Variants in ZNF827 observed in about 807,000 individuals in gnomAD.
ZNF827 encodes the protein zinc finger protein 827.
A neutral mutation model predicts 102.4 loss-of-function variants in ZNF827; 13 were observed. The observed-to-expected ratio is 0.13, with a 90% CI of 0.08 to 0.20. The LOEUF (loss-of-function observed/expected upper bound fraction) is 0.20, where lower values mean the gene tolerates loss of function less well. Among genes scored for constraint, ZNF827 ranks in the 10% least tolerant of loss-of-function variants. ZNF827 has a pLI of 1.00. For missense variants in ZNF827, 1,103 were observed against 1,344.4 expected (o/e 0.82, Z 2.81); for synonymous variants, 523 against 536.2 (o/e 0.98, Z 0.34).
Position 145,759,823 on chromosome 4 carries a change from A to C in ZNF827, c.*1793T>G, listed in dbSNP as rs761638925. On this transcript the variant is annotated 3_prime_UTR_variant, in exon 15 of 15. Transcript: ENST00000508784. ...CCTTTTAATCTCCTTGGCTGGATTT[A>C]TCAACCATAAATTTTTTCACCCATA... The C allele has an allele frequency of 3.3e-5, 5 of 152,062 alleles. No homozygotes were observed. Among genetic ancestry groups the C allele is most frequent in the Non-Finnish European group, 7.3e-5 (5 of 68,032 alleles). 9.4% of individuals were successfully genotyped at this position (152,062 alleles called of 1,614,324 possible). A position where few individuals can be genotyped will look rare whatever the true frequency, so the allele number is the denominator to read the frequency against.
In ZNF827 at chr4:145,851,283, TAGATAGATAGATAGAC is replaced by T. The variant is rs1163632599; in HGVS notation, c.1982-1738_1982-1723del. 5.9e-3 allele frequency among the ~76,000 whole-genome samples: 534 copies of T among 90,030 alleles called. 2 individuals are homozygous for T. The highest frequency in any genetic ancestry group is 9.2e-3 in the Non-Finnish European group (323 of 35,284). The allele number at this position is 90,030 out of a possible 152,430, so 59.1% of individuals were successfully genotyped here. On this transcript the variant is annotated intron_variant, in intron 5 of 14. Coordinates refer to ENST00000508784, the MANE Select transcript of ZNF827 (RefSeq NM_001306215.2). ...ACCTAGGAAACTTCAGATAGATAGA[TAGATAGATAGATAGAC>T]AGACAGACAGGCAGACAGACACACA...
intron 4 of ZNF827, among the ~76,000 whole-genome samples, chr4:145,877,828 C>T (rs1379930775): frequency 2.0e-5 from 3 of 152,204 alleles, no homozygotes; most frequent in Non-Finnish European, 4.4e-5. Flanking sequence ...GGATATCTCC[C>T]TCGTCAAAAG....
At chr4:145,838,218 T>C (rs953898723) in intron 7 of ZNF827, among the ~76,000 whole-genome samples, 6 of 152,284 alleles carry the variant, frequency 3.9e-5, no homozygotes, top group African/African-American at 1.4e-4. Flanking sequence ...TGGCTGGTCC[T>C]TGCCTTAACT....
intron 4 of ZNF827, among the ~76,000 whole-genome samples, chr4:145,885,188 A>G (rs1750004086): frequency 1.3e-5 from 2 of 152,188 alleles, no homozygotes; most frequent in Admixed American, 1.3e-4. Context: ...TCATTTGCTC[A>G]AATTTTAGAA....
At chr4:145,815,277 C>A (rs1178996459) in intron 8 of ZNF827, among the ~76,000 whole-genome samples, 1 of 152,172 alleles carries the variant, frequency 6.6e-6, no homozygotes, top group South Asian at 2.1e-4. Context: ...CATGCGAATG[C>A]AAACACTGGC....
Position 145,836,674 on chromosome 4 carries a change from C to G in ZNF827, c.2279+9282G>C, listed in dbSNP as rs1744874613. ...CTCTCTGATCCACCTGACATTCACC[C>G]CATTTCCCCAAATTTCCTTCTTTCC... On this transcript the variant is annotated intron_variant, in intron 7 of 14. Coordinates refer to ENST00000508784, the MANE Select transcript of ZNF827 (RefSeq NM_001306215.2). Among the ~76,000 whole-genome samples the G allele has an allele frequency of 2.6e-5, 4 of 151,964 alleles. No homozygotes were observed. The South Asian group carries it at 8.4e-4, about 32-fold the overall frequency.
At chr4:145,847,318 A>G (rs1386281230) in intron 6 of ZNF827, among the ~76,000 whole-genome samples, 4 of 152,194 alleles carry the variant, frequency 2.6e-5, no homozygotes, top group Non-Finnish European at 5.9e-5. Context: ...AGTTATTTCC[A>G]CTGTATCTTT....
chr4:145,928,109 G>A (rs1753562298), intron 1 of ZNF827, among the ~76,000 whole-genome samples: 1 of 152,102 alleles, frequency 6.6e-6, no homozygotes, highest in Admixed American at 6.5e-5. Context: ...GCTAATTTTA[G>A]GGTTTTAAGA....
At position 145,789,507 on chromosome 4, in the gene ZNF827, T is replaced by A. The variant is rs60654633; in HGVS notation, c.2384-9996A>T. On this transcript the variant is annotated intron_variant, in intron 8 of 14. Coordinates refer to ENST00000508784, the MANE Select transcript of ZNF827 (RefSeq NM_001306215.2). Reference sequence around the variant, plus strand: ...CACACATATTTAATATTTAACCTTATAGCAGCACTATGTATTAGACACTAT... The same window carrying A: ...CACACATATTTAATATTTAACCTTAAAGCAGCACTATGTATTAGACACTAT... Among the ~76,000 whole-genome samples the A allele has an allele frequency of 9.2e-5, 14 of 152,320 alleles. No individual in the cohort carries two copies. The East Asian group carries it at 2.7e-3, about 29-fold the overall frequency.
Position 145,762,989 on chromosome 4 carries a change from G to T in ZNF827, c.*17+101C>A. ...CTCCTCAGCGCCAAGCTCGCCGTTA[G>T]CCTTTGAACCTCAGCTCACAGAAGA... On this transcript the variant is annotated intron_variant, in intron 14 of 14. Transcript: ENST00000508784. This position sits in a 1 kb window ranked among gnomAD's most constrained non-coding sequence, Gnocchi z 4.9. 2.5e-6 allele frequency: 3 copies of T among 1,195,164 alleles called. No homozygotes were observed. The highest frequency in any genetic ancestry group is 3.5e-6 in the Non-Finnish European group (3 of 858,088). The allele number at this position is 1,195,164 out of a possible 1,614,324, so 74.0% of individuals were successfully genotyped here. A position where few individuals can be genotyped will look rare whatever the true frequency, so the allele number is the denominator to read the frequency against.
intron 11 of ZNF827, among the ~76,000 whole-genome samples, chr4:145,768,415 T>C (rs1277171965): frequency 6.6e-6 from 1 of 152,116 alleles, no homozygotes; most frequent in Non-Finnish European, 1.5e-5. Flanking sequence ...TCTGCCCACT[T>C]TGGCCTCCCA....
intron 1 of ZNF827, among the ~76,000 whole-genome samples, chr4:145,923,855 C>A (rs1381456201): frequency 2.6e-5 from 4 of 152,140 alleles, no homozygotes; most frequent in African/African-American, 9.7e-5. Flanking sequence ...AATGCATACG[C>A]ACAAAAGGTT....
intron 5 of ZNF827, among the ~76,000 whole-genome samples, chr4:145,858,060 T>A (rs955118085): frequency 2.6e-5 from 4 of 152,146 alleles, no homozygotes; most frequent in African/African-American, 9.7e-5. Context: ...GCCCTGTCCA[T>A]CCTTATATGT....
intron 3 of ZNF827, among the ~76,000 whole-genome samples, chr4:145,889,576 C>G (rs1042916439): frequency 7.3e-6 from 1 of 137,688 alleles, no homozygotes; most frequent in African/African-American, 2.7e-5. Flanking sequence ...TTTTTTGAGA[C>G]GGAGTCTAGC....
intron 1 of ZNF827, among the ~76,000 whole-genome samples, chr4:145,919,956 G>A (rs1752941762): frequency 6.6e-6 from 1 of 152,142 alleles, no homozygotes; most frequent in Non-Finnish European, 1.5e-5. Context: ...ACTCCCACTC[G>A]AATCTTATCC....
chr4:145,794,729 C>G (rs1021394740), intron 8 of ZNF827, among the ~76,000 whole-genome samples: 1 of 152,064 alleles, frequency 6.6e-6, no homozygotes, highest in African/African-American at 2.4e-5. Context: ...CATACATACC[C>G]AACACCAGTA....
At chr4:145,918,508 C>CAAA (rs369146146) in intron 1 of ZNF827, among the ~76,000 whole-genome samples, 2 of 132,222 alleles carry the variant, frequency 1.5e-5, no homozygotes, top group South Asian at 2.4e-4. Flanking sequence ...GACCCAGTCT[C>CAAA]AAAAAAAAAA....
intron 4 of ZNF827, among the ~76,000 whole-genome samples, chr4:145,871,116 T>TA (rs1231819262): frequency 6.6e-6 from 1 of 152,056 alleles, no homozygotes; most frequent in Non-Finnish European, 1.5e-5. Flanking sequence ...TTTTTTTTTT[T>TA]AAAGAACAGT....
intron 7 of ZNF827, among the ~76,000 whole-genome samples, chr4:145,826,046 T>G (rs1728109739): frequency 6.6e-6 from 1 of 152,114 alleles, no homozygotes; most frequent in African/African-American, 2.4e-5. Context: ...AGAGAAGATA[T>G]TAGGTTAACA....
Sources: allele counts gnomAD v4.1 joint callset (sites outside exome capture counted in the v4.1 genomes callset), GRCh38; gene constraint gnomAD v4.1.1; non-coding constraint Gnocchi (gnomAD v3.1); transcripts MANE v1.5; gene names NCBI Gene and HGNC (gene_info 2026-07-23, HGNC 2026-07-21).